Variants in DOCK1 observed in about 807,000 individuals in gnomAD.
DOCK1 encodes the protein dedicator of cytokinesis protein 1.
In DOCK1, 138 loss-of-function variants were observed where a neutral mutation model predicts 262.7. The ratio of observed to expected loss-of-function variants is 0.53; its 90% CI spans 0.46 to 0.61. DOCK1 has a LOEUF of 0.61. Ranked by LOEUF, DOCK1 falls within the 20% of genes least tolerant of loss-of-function variation. DOCK1 has a pLI of 0.00. For missense variants in DOCK1, 1,908 were observed against 2,370.7 expected, an observed-to-expected ratio of 0.80 and a Z score of 4.05; for synonymous variants, 866 against 867.4, an observed-to-expected ratio of 1.00 and a Z score of 0.03.
At chr10:126,946,368 G>A (rs1174425673) in intron 1 of DOCK1, among the ~76,000 whole-genome samples, 3 of 152,092 alleles carry the variant, frequency 2.0e-5, no homozygotes, top group Non-Finnish European at 4.4e-5. Flanking sequence ...CCAACATGGT[G>A]AAACCCCATT....
chr10:127,352,988 C>T (rs961602085), intron 31 of DOCK1, among the ~76,000 whole-genome samples: 15 of 152,146 alleles, frequency 9.9e-5, no homozygotes, highest in African/African-American at 3.6e-4. Flanking sequence ...TGGGTCAGTA[C>T]ATGCTAGGCC....
chr10:127,137,165 G>A (rs1161129735), intron 27 of DOCK1: 1 of 152,646 alleles, frequency 6.6e-6, no homozygotes, highest in Non-Finnish European at 1.5e-5. Context: ...TGGAAAATGA[G>A]CAGTAAACAT....
At chr10:127,359,026 C>T (rs1175189816) in intron 32 of DOCK1, among the ~76,000 whole-genome samples, 1 of 152,134 alleles carries the variant, frequency 6.6e-6, no homozygotes, top group Non-Finnish European at 1.5e-5. Context: ...AAAGTGTGTC[C>T]TCTTTTTCTT....
chr10:127,415,426 G>A (rs1370476969), intron 44 of DOCK1, among the ~76,000 whole-genome samples, 188 bp downstream of exon 44: 1 of 152,128 alleles, frequency 6.6e-6, no homozygotes, highest in African/African-American at 2.4e-5. Context: ...ATATTTTAGT[G>A]GAAATGCTGT....
At chr10:127,051,160 A>G (rs1239813836) in intron 21 of DOCK1, among the ~76,000 whole-genome samples, 1 of 152,000 alleles carries the variant, frequency 6.6e-6, no homozygotes, top group Non-Finnish European at 1.5e-5. Context: ...TATCATGGAA[A>G]AGATTTTAAA....
At position 127,403,145 on chromosome 10, in the gene DOCK1, G is replaced by A. The variant is rs2067320030; in HGVS notation, c.4017+1G>A. 2 of 1,603,520 alleles carry A rather than the reference G, an allele frequency of 1.2e-6. No individual in the cohort carries two copies. The highest frequency in any genetic ancestry group is 1.7e-6 in the Non-Finnish European group (2 of 1,174,878). On this transcript the variant is annotated splice_donor_variant, in intron 39 of 51. Transcript: ENST00000623213. LOFTEE classifies it high-confidence loss of function. Reference sequence around the variant, plus strand: ...TTATGAGCAACTCAGCGAATTGCTGGTGAGTCTTTATTTCTTTTTATTTAA... The same window carrying A: ...TTATGAGCAACTCAGCGAATTGCTGATGAGTCTTTATTTCTTTTTATTTAA...
chr10:127,110,707 C>G (rs2048813865), intron 25 of DOCK1, among the ~76,000 whole-genome samples: 1 of 152,166 alleles, frequency 6.6e-6, no homozygotes, highest in African/African-American at 2.4e-5. Context: ...TTCGAGTTTT[C>G]TTTAAATCTG....
rs370769092 is a variant in DOCK1 at position 127,176,031 on chromosome 10, C to T, written c.2847+48267C>T. 64 of 1,614,072 alleles carry T rather than the reference C, an allele frequency of 4.0e-5. No homozygotes were observed. Among genetic ancestry groups the T allele is most frequent in the African/African-American group, 2.3e-4 (17 of 75,030 alleles). ...GAGGCTTTTGAGGTTCCCCTTTTTG[C>T]GGTCCAGAGGGAACGTCTGGTAACA... On this transcript the variant is annotated intron_variant, in intron 27 of 51. Transcript: ENST00000623213. The surrounding 1 kb of genome is among the most constrained non-coding windows in gnomAD (Gnocchi z 4.4).
intron 47 of DOCK1, among the ~76,000 whole-genome samples, chr10:127,426,916 C>T (rs2068850546): frequency 6.6e-6 from 1 of 152,198 alleles, no homozygotes; most frequent in Admixed American, 6.5e-5. Flanking sequence ...CCACTTGAGA[C>T]TGTCCCCAGG....
At chr10:127,313,893 T>G (rs974871261) in intron 29 of DOCK1, among the ~76,000 whole-genome samples, 5 of 152,224 alleles carry the variant, frequency 3.3e-5, no homozygotes, top group Non-Finnish European at 7.3e-5. Context: ...CGTATTTGTT[T>G]GATCCGGGCC....
intron 10 of DOCK1, among the ~76,000 whole-genome samples, chr10:127,004,780 G>GCCCCCCCCCCC (rs1477094845): frequency 2.0e-5 from 1 of 51,250 alleles, no homozygotes; most frequent in Non-Finnish European, 3.5e-5. Flanking sequence ...CCACCCCCCC[G>GCCCCCCCCCCC]CCCCAAAAAA....
chr10:127,389,367 C>T (rs534117697), intron 38 of DOCK1, among the ~76,000 whole-genome samples: 1 of 152,314 alleles, frequency 6.6e-6, no homozygotes, highest in Admixed American at 6.5e-5. Context: ...ATGACAAAGG[C>T]CACGGCTGAA....
chr10:127,207,365 G>C (rs1321243445), intron 27 of DOCK1, among the ~76,000 whole-genome samples: 1 of 152,152 alleles, frequency 6.6e-6, no homozygotes, highest in Non-Finnish European at 1.5e-5. Context: ...GGAAGTTGGG[G>C]GGTGATTAGG....
chr10:127,242,036 C>T (rs1258293902), intron 27 of DOCK1, among the ~76,000 whole-genome samples: 3 of 152,184 alleles, frequency 2.0e-5, no homozygotes, highest in Admixed American at 1.3e-4. Flanking sequence ...CACAGACTTC[C>T]TGTTAAATGT....
chr10:127,188,072 C>T (rs752318207), intron 27 of DOCK1, among the ~76,000 whole-genome samples: 1 of 152,126 alleles, frequency 6.6e-6, no homozygotes, highest in Non-Finnish European at 1.5e-5. Context: ...GTGAATGTCA[C>T]GGGGGAGCAG....
intron 1 of DOCK1, among the ~76,000 whole-genome samples, chr10:126,928,074 C>T (rs1027577170): frequency 1.3e-5 from 2 of 152,186 alleles, no homozygotes; most frequent in African/African-American, 4.8e-5. Context: ...GTGTTCTCAG[C>T]AGTGGGAACG....
At chr10:127,121,453 A>ATGTGTGTGTGTG (rs755217555) in intron 25 of DOCK1, among the ~76,000 whole-genome samples, 7 of 25,736 alleles carry the variant, frequency 2.7e-4, no homozygotes, top group South Asian at 2.4e-3. Context: ...GGGTATATGT[A>ATGTGTGTGTGTG]TATGTGTGTG....
At chr10:127,045,167 C>T (rs2135669567) in intron 21 of DOCK1, among the ~76,000 whole-genome samples, 1 of 133,882 alleles carries the variant, frequency 7.5e-6, no homozygotes, top group Admixed American at 8.9e-5. Context: ...CATTGCACTC[C>T]AGCCTGGGCT....
At chr10:126,945,178 C>T (rs2035298997) in intron 1 of DOCK1, among the ~76,000 whole-genome samples, 1 of 152,032 alleles carries the variant, frequency 6.6e-6, no homozygotes, top group African/African-American at 2.4e-5. Flanking sequence ...CTTAGCTGGG[C>T]CCCCAGCTCA....
Sources: gnomAD v4.1 joint callset for allele counts (sites outside exome capture counted in the v4.1 genomes callset) on GRCh38, gnomAD v4.1.1 for gene constraint, Gnocchi (gnomAD v3.1) non-coding constraint, MANE v1.5 for transcripts, NCBI Gene and HGNC (gene_info 2026-07-23, HGNC 2026-07-21) for gene names.